SEZ6L: variants seen among roughly 807,000 people sequenced by gnomAD.
SEZ6L encodes the protein seizure 6-like protein.
SEZ6L carries 37 observed loss-of-function variants against 106.2 expected under a neutral mutation model. The ratio of observed to expected loss-of-function variants is 0.35; its 90% CI spans 0.27 to 0.46. SEZ6L has a LOEUF of 0.46. SEZ6L is among the 20% of genes least tolerant of loss of function. The pLI, the probability that SEZ6L is intolerant of heterozygous loss-of-function variation, is 1.00. For synonymous variants in SEZ6L, 541 were observed against 570.4 expected (o/e 0.95, Z 0.73); for missense variants, 1,172 against 1,332.8 (o/e 0.88, Z 1.88).
chr22:26,252,848 G>A (rs531762316), intron 1 of SEZ6L, among the ~76,000 whole-genome samples: 1 of 152,334 alleles, frequency 6.6e-6, no homozygotes, highest in East Asian at 1.9e-4. Flanking sequence ...TGGATTCCAT[G>A]TCTTTGCTAT....
rs147229979 is a variant in SEZ6L, at chr22:26,349,672, T to C, written c.2408-1380T>C. ...TGAACAACCACACCCAGCTAATTTT[T>C]AAAAATTTTTTGTAGAGACAGGGGT... On this transcript the variant is annotated intron_variant, in intron 11 of 16. Coordinates refer to ENST00000248933, the MANE Select transcript of SEZ6L (RefSeq NM_021115.5). Among the ~76,000 whole-genome samples, 16 of 152,316 alleles carry C rather than the reference T, an allele frequency of 1.1e-4. No individual in the cohort carries two copies. In the East Asian group the frequency reaches 2.9e-3, roughly 28 times the overall value.
At chr22:26,338,171 T>A (rs1027885158) in intron 9 of SEZ6L, among the ~76,000 whole-genome samples, 1 of 152,160 alleles carries the variant, frequency 6.6e-6, no homozygotes, top group Non-Finnish European at 1.5e-5. Flanking sequence ...AGTCATACAG[T>A]TCCCGTATAA....
rs376083687 is a variant in SEZ6L, at chr22:26,233,394, TC to T, written c.95-59008del. Among the ~76,000 whole-genome samples, 173 of 152,238 alleles carry T rather than the reference TC, an allele frequency of 1.1e-3. No individual in the cohort carries two copies. The South Asian group carries it at 0.035, about 31-fold the overall frequency. Reference sequence around the variant, plus strand: ...GCGGGCTGAGGACCCTGGAGGAGCCTCCCCGAAGTCCTCACTCTCCACCTTC... The same window carrying T: ...GCGGGCTGAGGACCCTGGAGGAGCCTCCCGAAGTCCTCACTCTCCACCTTC... On this transcript the variant is annotated intron_variant, in intron 1 of 16. Coordinates refer to ENST00000248933, the MANE Select transcript of SEZ6L (RefSeq NM_021115.5).
At chr22:26,332,029 C>T (rs887935504) in intron 9 of SEZ6L, among the ~76,000 whole-genome samples, 6 of 151,430 alleles carry the variant, frequency 4.0e-5, no homozygotes, top group African/African-American at 1.5e-4. Flanking sequence ...GTCTGTAATA[C>T]AAAAATCACA....
chr22:26,370,657 A>G (rs987639500), intron 13 of SEZ6L, among the ~76,000 whole-genome samples: 1 of 151,848 alleles, frequency 6.6e-6, no homozygotes, highest in African/African-American at 2.4e-5. Context: ...ACACATAGAC[A>G]TATTTGGAAA....
At chr22:26,356,525 C>A (rs914759945) in intron 12 of SEZ6L, among the ~76,000 whole-genome samples, 1 of 151,770 alleles carries the variant, frequency 6.6e-6, no homozygotes, top group Non-Finnish European at 1.5e-5. Context: ...GCCTGTAATC[C>A]CAGCTACCTG....
chr22:26,241,896 A>G (rs1352403693), intron 1 of SEZ6L, among the ~76,000 whole-genome samples: 2 of 152,122 alleles, frequency 1.3e-5, no homozygotes, highest in African/African-American at 4.8e-5. Flanking sequence ...AGGCTCCCTT[A>G]AGGTTTATTT....
At position 26,293,105 on chromosome 22, in the gene SEZ6L, C is replaced by A; in HGVS notation, c.794C>A (p.Thr265Asn). The stretch of plus-strand genomic sequence containing the variant: ...GAGAGCCAGGAGACCACTACCTCCA[C>A]CATTATCACCACCACGGTCATCACC... Reference protein sequence around the residue: ...SEESQETTTSTIITTTVITTE... With the variant: ...SEESQETTTSNIITTTVITTE... Residue 265 changes from threonine (T) to asparagine (N), a missense_variant, in exon 2 of 17, where the codon ACC becomes AAC. Coordinates refer to ENST00000248933, the MANE Select transcript of SEZ6L (RefSeq NM_021115.5). The A allele has an allele frequency of 1.9e-6, 3 of 1,597,848 alleles. No individual in the cohort carries two copies. Among genetic ancestry groups the A allele is most frequent in the Non-Finnish European group, 2.6e-6 (3 of 1,175,974 alleles).
rs987108257 is a variant in SEZ6L at position 26,292,978 on chromosome 22, G to A, written c.667G>A (p.Glu223Lys). The change falls in exon 2 of 17, where the codon GAG becomes AAG. Residue 223 changes from glutamate to lysine, a missense_variant. Coordinates refer to ENST00000248933, the MANE Select transcript of SEZ6L (RefSeq NM_021115.5). ...ACTCCCCCAGAGGCCAGAACCCGGGGAGCCTGGGCCTGACATGGCCCAGGA... is the reference window on the plus strand; with the variant it reads ...ACTCCCCCAGAGGCCAGAACCCGGGAAGCCTGGGCCTGACATGGCCCAGGA... Reference protein sequence around the residue: ...HTLPQRPEPGEPGPDMAQEAP... With the variant: ...HTLPQRPEPGKPGPDMAQEAP... 6 of 1,613,746 alleles carry A rather than the reference G, an allele frequency of 3.7e-6. No homozygotes were observed. The African/African-American group carries it at 4.0e-5, about 11-fold the overall frequency.
In SEZ6L at chr22:26,346,200, T is replaced by C. The variant is rs115297772; in HGVS notation, c.2213-1519T>C. Among the ~76,000 whole-genome samples, 571 of 151,938 alleles carry C rather than the reference T, an allele frequency of 3.8e-3. 5 individuals are homozygous for C. The highest frequency in any genetic ancestry group is 0.013 in the African/African-American group (547 of 41,420). On this transcript the variant is annotated intron_variant, in intron 10 of 16. Transcript: ENST00000248933. Reference sequence around the variant, plus strand: ...GTGCCATCATACCTGGCTCATTTTTTTGGTTTTATTATTGTTTTTGTAGAG... The same window carrying C: ...GTGCCATCATACCTGGCTCATTTTTCTGGTTTTATTATTGTTTTTGTAGAG...
At chr22:26,200,592 A>G (rs1940875350) in intron 1 of SEZ6L, among the ~76,000 whole-genome samples, 1 of 152,178 alleles carries the variant, frequency 6.6e-6, no homozygotes, top group Admixed American at 6.5e-5. Context: ...GAGGAACGCA[A>G]TGTGGTGCAG....
At chr22:26,196,186 T>C (rs905133767) in intron 1 of SEZ6L, among the ~76,000 whole-genome samples, 4 of 152,164 alleles carry the variant, frequency 2.6e-5, no homozygotes, top group African/African-American at 9.7e-5. Context: ...TTTAAAAGCA[T>C]GTGGCACCTC....
intron 1 of SEZ6L, among the ~76,000 whole-genome samples, chr22:26,203,341 G>A (rs1177248788): frequency 2.0e-5 from 3 of 152,188 alleles, no homozygotes; most frequent in African/African-American, 7.2e-5. Flanking sequence ...CTGCATCCCA[G>A]ATATGTTCCT....
At chr22:26,374,231 T>C (rs1227179669) in intron 14 of SEZ6L, among the ~76,000 whole-genome samples, 1 of 151,422 alleles carries the variant, frequency 6.6e-6, no homozygotes, top group Admixed American at 6.6e-5. Context: ...ATAGCATATA[T>C]ATTTAAAAAT....
chr22:26,369,664 A>G (rs2146070911), intron 13 of SEZ6L, among the ~76,000 whole-genome samples: 1 of 151,946 alleles, frequency 6.6e-6, no homozygotes, highest in Middle Eastern at 3.4e-3. Context: ...TAAGAGAACA[A>G]GGGGTCCTTT....
intron 1 of SEZ6L, among the ~76,000 whole-genome samples, chr22:26,203,721 G>A (rs1323312584): frequency 5.3e-5 from 8 of 152,206 alleles, no homozygotes; most frequent in Non-Finnish European, 2.9e-5. Flanking sequence ...TCAGAGAGGT[G>A]TTGGACACGA....
chr22:26,263,883 G>A (rs975649157), intron 1 of SEZ6L, among the ~76,000 whole-genome samples: 32 of 152,118 alleles, frequency 2.1e-4, no homozygotes, highest in African/African-American at 7.7e-4. Context: ...TCACCTTTTA[G>A]TCCCCACAGC....
At chr22:26,315,244 T>C (rs1188538126) in intron 9 of SEZ6L, among the ~76,000 whole-genome samples, 2 of 151,934 alleles carry the variant, frequency 1.3e-5, no homozygotes, top group Non-Finnish European at 2.9e-5. Context: ...CTTCGGGAGG[T>C]TGAGGCAGGA....
chr22:26,314,093 C>G (rs79021461), intron 9 of SEZ6L, among the ~76,000 whole-genome samples, 191 bp downstream of exon 9: 6,210 of 138,204 alleles, frequency 0.045, 347 homozygotes, highest in African/African-American at 0.15. Context: ...CACACACACA[C>G]ACAGAGAGAG....
Sources: allele counts gnomAD v4.1 joint callset (sites outside exome capture counted in the v4.1 genomes callset), GRCh38; gene constraint gnomAD v4.1.1; transcripts MANE v1.5; gene names NCBI Gene and HGNC (gene_info 2026-07-23, HGNC 2026-07-21).